Variants in KPNA7 observed in about 807,000 individuals in gnomAD.
The protein encoded by KPNA7 is importin subunit alpha-8.
In KPNA7, 54 loss-of-function variants were observed where a neutral mutation model predicts 53.7. That is an observed-to-expected ratio of 1.01 (90% CI 0.81 to 1.26). The LOEUF (loss-of-function observed/expected upper bound fraction) is 1.26. Ranked by LOEUF, KPNA7 falls within the 50% of genes most tolerant of loss-of-function variation. The probability of loss-of-function intolerance (pLI) is 0.00; values close to 1 mark genes in which losing one functional copy is unlikely to be tolerated. For synonymous variants in KPNA7, 276 were observed against 259.3 expected (o/e 1.06, Z -0.62); for missense variants, 640 against 644.5 (o/e 0.99, Z 0.07).
intron 1 of KPNA7, among the ~76,000 whole-genome samples, chr7:99,217,797 A>T (rs915546220): frequency 2.0e-5 from 3 of 151,360 alleles, no homozygotes; most frequent in Non-Finnish European, 4.4e-5. Flanking sequence ...CACCCAGCTA[A>T]TTTTTGTATT....
chr7:99,210,265 C>T (rs1791030480), upstream of KPNA7, among the ~76,000 whole-genome samples: 1 of 152,160 alleles, frequency 6.6e-6, no homozygotes. Flanking sequence ...CACTTGGCTC[C>T]TCTTCATTCA....
intron 1 of KPNA7, among the ~76,000 whole-genome samples, chr7:99,216,769 C>T (rs1020507860): frequency 1.3e-5 from 2 of 152,126 alleles, no homozygotes; most frequent in Admixed American, 1.3e-4. Context: ...ACCATGTTGG[C>T]CAGGCTGGTC....
chr7:99,146,605 G>A, the KPNA7 span, among the ~76,000 whole-genome samples: 12 of 151,520 alleles, frequency 7.9e-5, 1 homozygote, highest in African/African-American at 2.4e-4. Context: ...CCAGCTACTC[G>A]GGAGGCTGAG....
chr7:99,146,050 A>G, the KPNA7 span, among the ~76,000 whole-genome samples: 6 of 152,286 alleles, frequency 3.9e-5, no homozygotes, highest in South Asian at 1.2e-3. Context: ...TAATCCATCC[A>G]GTCTCTAATG....
rs1790156165 is a variant in KPNA7, at chr7:99,195,093, A to G, written c.530T>C (p.Val177Ala). The change falls in exon 5 of 11, where the codon GTG (valine) becomes GCG (alanine). Residue 177 changes from valine (V) to alanine (A), a missense_variant. Physicochemically the swap from Val to Ala is moderately conservative, Grantham distance 64 (BLOSUM62 0). Transcript: ENST00000327442. ...ACCGGCTATATTACCAAGAGCCCACACTGCCTGTTCACACACAGCCACGTT... is the reference window on the plus strand; with the variant it reads ...ACCGGCTATATTACCAAGAGCCCACGCTGCCTGTTCACACACAGCCACGTT... ...SSNVAVCEQA[V>A]WALGNIAGDG... The G allele has an allele frequency of 6.4e-7, 1 of 1,551,496 alleles. No individual in the cohort carries two copies. The highest frequency in any genetic ancestry group is 8.7e-7 in the Non-Finnish European group (1 of 1,146,984).
At chr7:99,197,879 AAGG>A (rs1388536874) in intron 3 of KPNA7, among the ~76,000 whole-genome samples, 1 of 152,190 alleles carries the variant, frequency 6.6e-6, no homozygotes, top group Admixed American at 6.5e-5. Context: ...GCAGAATAGG[AAGG>A]AGAAGAGGGA....
At chr7:99,166,409 C>A in the KPNA7 span, among the ~76,000 whole-genome samples, 2 of 152,196 alleles carry the variant, frequency 1.3e-5, no homozygotes, top group East Asian at 1.9e-4. Context: ...CTGCCCCCCA[C>A]GTTCAAGTGA....
chr7:99,160,050 T>A, the KPNA7 span, among the ~76,000 whole-genome samples: 2 of 119,976 alleles, frequency 1.7e-5, no homozygotes, highest in Admixed American at 1.1e-4. Flanking sequence ...TTTGAGACAG[T>A]GTCTCGCTCT....
At chr7:99,158,732 GACTTCA>G in the KPNA7 span, among the ~76,000 whole-genome samples, 29 of 152,004 alleles carry the variant, frequency 1.9e-4, no homozygotes, top group African/African-American at 7.0e-4. Context: ...TCGAACTCCT[GACTTCA>G]AGTGATCCCC....
chr7:99,208,753 C>G (rs2150782213), upstream of KPNA7, among the ~76,000 whole-genome samples: 1 of 152,304 alleles, frequency 6.6e-6, no homozygotes, highest in East Asian at 1.9e-4. Context: ...ACTGTGGGAG[C>G]ACCAAGACCA....
the KPNA7 span, among the ~76,000 whole-genome samples, chr7:99,163,140 G>GA: frequency 6.6e-6 from 1 of 151,242 alleles, no homozygotes; most frequent in African/African-American, 2.4e-5. Context: ...GAGACTGCGT[G>GA]ACTGCACTCC....
At chr7:99,150,334 G>GAT in the KPNA7 span, among the ~76,000 whole-genome samples, 1 of 151,862 alleles carries the variant, frequency 6.6e-6, no homozygotes, top group Admixed American at 6.6e-5. Flanking sequence ...GACCTCAAGT[G>GAT]ATCTCCCCAC....
intron 2 of KPNA7, among the ~76,000 whole-genome samples, chr7:99,203,500 A>C (rs747181095): frequency 1.3e-4 from 20 of 152,108 alleles, no homozygotes; most frequent in Admixed American, 5.9e-4. Flanking sequence ...CAGGATTCTC[A>C]GCTATAAAAA....
chr7:99,146,076 C>T, the KPNA7 span, among the ~76,000 whole-genome samples: 3 of 152,266 alleles, frequency 2.0e-5, no homozygotes, highest in East Asian at 5.8e-4. Context: ...AAGTAATCCC[C>T]ATTCTTCTGC....
chr7:99,177,830 CG>C, intron 10 of KPNA7, 89 bp downstream of exon 10: 1 of 1,366,640 alleles, frequency 7.3e-7, no homozygotes, highest in Non-Finnish European at 9.9e-7. Flanking sequence ...ACCTGCCACA[CG>C]CAACAGCCCA....
chr7:99,189,596 T>TACC, intron 6 of KPNA7, among the ~76,000 whole-genome samples: 1 of 152,256 alleles, frequency 6.6e-6, no homozygotes, highest in South Asian at 2.1e-4. Context: ...ATTCACTGTC[T>TACC]ACCTCCCAGA....
chr7:99,182,174 A>T, intron 8 of KPNA7, 109 bp from the exon 9 acceptor site: 2 of 747,128 alleles, frequency 2.7e-6, no homozygotes, highest in Non-Finnish European at 4.2e-6. Context: ...GACTGCATGT[A>T]CAATTTACAT....
chr7:99,184,881 G>A (rs1011220171), intron 8 of KPNA7, 48 bp downstream of exon 8: 1 of 1,460,930 alleles, frequency 6.8e-7, no homozygotes, highest in Non-Finnish European at 9.4e-7. Context: ...TCAACCCAGG[G>A]CTATTGGAAA....
chr7:99,145,956 G>T, the KPNA7 span, among the ~76,000 whole-genome samples: 1 of 152,150 alleles, frequency 6.6e-6, no homozygotes, highest in East Asian at 1.9e-4. Flanking sequence ...TATAAGCAAT[G>T]TTTAAGCAAT....
Sources: gnomAD v4.1 joint callset for allele counts (sites outside exome capture counted in the v4.1 genomes callset) on GRCh38, gnomAD v4.1.1 for gene constraint, MANE v1.5 for transcripts, NCBI Gene and HGNC (gene_info 2026-07-23, HGNC 2026-07-21) for gene names.